Variants in ZRANB3 observed in about 807,000 individuals in gnomAD.
The protein encoded by ZRANB3 is DNA annealing helicase and endonuclease ZRANB3.
A neutral mutation model predicts 133.8 loss-of-function variants in ZRANB3; 125 were observed. That is an observed-to-expected ratio of 0.93 (90% CI 0.81 to 1.08). ZRANB3 has a LOEUF of 1.08. ZRANB3 is among the 50% of genes least tolerant of loss of function. ZRANB3 has a pLI of 0.00. For synonymous variants in ZRANB3, 387 were observed against 432.7 expected (o/e 0.89, Z 1.31); for missense variants, 1,229 against 1,275.5 (o/e 0.96, Z 0.56).
intron 12 of ZRANB3, among the ~76,000 whole-genome samples, chr2:135,259,040 G>A (rs547947822): frequency 2.0e-5 from 3 of 152,100 alleles, no homozygotes; most frequent in South Asian, 2.1e-4. Flanking sequence ...ACTTTGTTTC[G>A]TTTTTGTTTG....
intron 2 of ZRANB3, among the ~76,000 whole-genome samples, chr2:135,417,171 G>A (rs552684038): frequency 1.3e-5 from 2 of 152,212 alleles, no homozygotes; most frequent in South Asian, 4.1e-4. Flanking sequence ...GAGTGAACAG[G>A]CAACCTACAG....
intron 2 of ZRANB3, among the ~76,000 whole-genome samples, chr2:135,459,666 C>G (rs1373825659): frequency 6.6e-6 from 1 of 152,070 alleles, no homozygotes; most frequent in Non-Finnish European, 1.5e-5. Context: ...AAGTTTTCAT[C>G]CAGTTCCAGA....
At chr2:135,435,344 T>C (rs10168807) in intron 2 of ZRANB3, among the ~76,000 whole-genome samples, 4,976 of 152,288 alleles carry the variant, frequency 0.033, 268 homozygotes, top group African/African-American at 0.11. Context: ...TATGGCTGCA[T>C]AGTATTCCAT....
At chr2:135,483,801 G>A (rs1186015551) in intron 2 of ZRANB3, among the ~76,000 whole-genome samples, 2 of 152,126 alleles carry the variant, frequency 1.3e-5, no homozygotes, top group East Asian at 3.8e-4. Flanking sequence ...CAGAGATTCT[G>A]GTGTGTTGTG....
At chr2:135,290,063 T>G (rs1265608976) in intron 8 of ZRANB3, among the ~76,000 whole-genome samples, 1 of 152,190 alleles carries the variant, frequency 6.6e-6, no homozygotes, top group Admixed American at 6.5e-5. Flanking sequence ...TTAAGTCCAT[T>G]TGTTCTAGGG....
At chr2:135,257,668 T>A (rs1573773174) in intron 12 of ZRANB3, among the ~76,000 whole-genome samples, 1 of 152,236 alleles carries the variant, frequency 6.6e-6, no homozygotes, top group Non-Finnish European at 1.5e-5. Context: ...TTTCATATAA[T>A]CTTAATAGAT....
At chr2:135,204,591 G>A (rs1482265313) in intron 19 of ZRANB3, among the ~76,000 whole-genome samples, 1 of 147,306 alleles carries the variant, frequency 6.8e-6, no homozygotes, top group Non-Finnish European at 1.5e-5. Flanking sequence ...CAGGAGCCAG[G>A]AGTTCAAGAT....
At chr2:135,432,636 C>T (rs1689371152) in intron 2 of ZRANB3, among the ~76,000 whole-genome samples, 1 of 152,166 alleles carries the variant, frequency 6.6e-6, no homozygotes, top group Admixed American at 6.6e-5. Context: ...ATACTGGGCA[C>T]TTAGGTAGAG....
At chr2:135,411,997 T>C (rs929845707) in intron 2 of ZRANB3, among the ~76,000 whole-genome samples, 4 of 152,218 alleles carry the variant, frequency 2.6e-5, no homozygotes, top group African/African-American at 4.8e-5. Flanking sequence ...GTACACTTAT[T>C]TGTTTATACG....
At chr2:135,416,406 G>A (rs1434440281) in intron 2 of ZRANB3, among the ~76,000 whole-genome samples, 7 of 152,052 alleles carry the variant, frequency 4.6e-5, no homozygotes, top group Non-Finnish European at 8.8e-5. Flanking sequence ...TACAAGGGAT[G>A]TGAAGGACCT....
At chr2:135,277,746 G>GAA (rs1165402971) in intron 8 of ZRANB3, among the ~76,000 whole-genome samples, 2 of 152,008 alleles carry the variant, frequency 1.3e-5, no homozygotes, top group Non-Finnish European at 2.9e-5. Flanking sequence ...CCAACACGGT[G>GAA]AAACCCCGTC....
intron 1 of ZRANB3, among the ~76,000 whole-genome samples, chr2:135,510,260 G>A (rs1196135860): frequency 2.0e-5 from 3 of 152,112 alleles, no homozygotes; most frequent in African/African-American, 7.2e-5. Flanking sequence ...GTCTGTACAT[G>A]CAAAATAAGC....
chr2:135,495,583 ACT>A (rs1692627646), intron 2 of ZRANB3, among the ~76,000 whole-genome samples: 1 of 152,112 alleles, frequency 6.6e-6, no homozygotes, highest in African/African-American at 2.4e-5. Context: ...AAAATATGTG[ACT>A]CTAGGTAAAA....
intron 12 of ZRANB3, among the ~76,000 whole-genome samples, chr2:135,242,157 G>A (rs1421217388): frequency 6.6e-6 from 1 of 151,706 alleles, no homozygotes; most frequent in African/African-American, 2.4e-5. Flanking sequence ...CAGCCTGGGT[G>A]ACAGAGTGAG....
chr2:135,301,791 GT>G (rs1356445358), intron 8 of ZRANB3, among the ~76,000 whole-genome samples: 1 of 152,116 alleles, frequency 6.6e-6, no homozygotes, highest in African/African-American at 2.4e-5. Flanking sequence ...TAAGCATCCT[GT>G]TTTTGAAGCA....
intron 3 of ZRANB3, among the ~76,000 whole-genome samples, chr2:135,366,626 T>C (rs925699695): frequency 1.3e-5 from 2 of 152,110 alleles, no homozygotes. Flanking sequence ...CAAGTAAAAT[T>C]TGCTGTTTAA....
At chr2:135,398,560 C>T (rs1574037243) in intron 2 of ZRANB3, among the ~76,000 whole-genome samples, 1 of 140,248 alleles carries the variant, frequency 7.1e-6, no homozygotes, top group Non-Finnish European at 1.5e-5. Flanking sequence ...GCTCTGTCGC[C>T]CAGGCTGGAG....
chr2:135,515,590 G>A (rs1222720878), intron 1 of ZRANB3, among the ~76,000 whole-genome samples: 5 of 152,092 alleles, frequency 3.3e-5, no homozygotes, highest in Admixed American at 2.0e-4. Flanking sequence ...GTAGTTGTGC[G>A]GTTTTGAGTG....
intron 2 of ZRANB3, among the ~76,000 whole-genome samples, chr2:135,479,415 A>C (rs1412071553): frequency 6.6e-6 from 1 of 152,130 alleles, no homozygotes; most frequent in African/African-American, 2.4e-5. Context: ...CAGGCAGATT[A>C]CCTGATGTCA....
Sources: gnomAD v4.1 joint callset for allele counts (sites outside exome capture counted in the v4.1 genomes callset) on GRCh38, gnomAD v4.1.1 for gene constraint, MANE v1.5 for transcripts, NCBI Gene and HGNC (gene_info 2026-07-23, HGNC 2026-07-21) for gene names.